The following OSBPL5 variants were observed in gnomAD, a reference collection of about 807,000 sequenced individuals.
OSBPL5 encodes oxysterol-binding protein-related protein 5.
Under a neutral mutation model 111.2 loss-of-function variants are expected in OSBPL5, and 71 were observed. The observed-to-expected ratio is 0.64, with a 90% CI of 0.53 to 0.78. The LOEUF (loss-of-function observed/expected upper bound fraction) is 0.78, where lower values mean the gene tolerates loss of function less well. OSBPL5 is among the 30% of genes least tolerant of loss of function. OSBPL5 has a pLI of 0.00. For synonymous variants in OSBPL5, 549 were observed against 513.9 expected, an observed-to-expected ratio of 1.07 and a Z score of -0.93; for missense variants, 1,210 against 1,189.3, an observed-to-expected ratio of 1.02 and a Z score of -0.26.
Position 3,109,415 on chromosome 11 carries a change from C to A in OSBPL5, c.692-1470G>T, listed in dbSNP as rs937993116. 6.6e-6 allele frequency among the ~76,000 whole-genome samples: 1 copy of A among 152,116 alleles called. No individual in the cohort carries two copies. Among genetic ancestry groups the A allele is most frequent in the Non-Finnish European group, 1.5e-5 (1 of 68,012 alleles). ...ATTCAAAGAAAGCCTCCTGGGGTCA[C>A]GTCAGGTGGGAGGATGGGGCTGAAG... On this transcript the variant is annotated intron_variant, in intron 7 of 21. Coordinates refer to ENST00000263650, the MANE Select transcript of OSBPL5 (RefSeq NM_020896.4). The surrounding 1 kb of genome is among the most constrained non-coding windows in gnomAD (Gnocchi z 7.4).
At chr11:3,158,528 C>G (rs566623241) in intron 1 of OSBPL5, among the ~76,000 whole-genome samples, 1 of 152,240 alleles carries the variant, frequency 6.6e-6, no homozygotes, top group Non-Finnish European at 1.5e-5. Context: ...CAGCATCAGG[C>G]CAGTCCACCG....
rs186169424 is a variant in OSBPL5 at position 3,158,012 on chromosome 11, G to A, written c.-22+7204C>T. ...GAGCCTTCGTGGGAGCCTGGCTGCC[G>A]GGCTGGGGAGAATGACCCACTCTGG... On this transcript the variant is annotated intron_variant, in intron 1 of 21. Transcript: ENST00000263650. 1.7e-3 allele frequency among the ~76,000 whole-genome samples: 258 copies of A among 152,310 alleles called. 1 individual carries two copies. Among genetic ancestry groups the A allele is most frequent in the African/African-American group, 6.0e-3 (248 of 41,578 alleles).
At chr11:3,093,412 C>G in intron 17 of OSBPL5, 115 bp downstream of exon 17, 1 of 1,470,234 alleles carries the variant, frequency 6.8e-7, no homozygotes, top group Non-Finnish European at 9.1e-7. Context: ...CAGGCCTGCC[C>G]TCCCTGCCAG....
chr11:3,145,703 G>C (rs913438021), intron 1 of OSBPL5, among the ~76,000 whole-genome samples: 2 of 152,208 alleles, frequency 1.3e-5, no homozygotes, highest in South Asian at 2.1e-4. Flanking sequence ...CAGGGCCAGC[G>C]AGGCATTTAC....
chr11:3,095,310 C>CA (rs60973769), intron 14 of OSBPL5, among the ~76,000 whole-genome samples: 1,479 of 105,434 alleles, frequency 0.014, 12 homozygotes, highest in South Asian at 0.031. Flanking sequence ...GACTCTGTCT[C>CA]AAAAAAAAAA....
chr11:3,138,057 C>G (rs1329269133), intron 1 of OSBPL5, among the ~76,000 whole-genome samples: 3 of 152,208 alleles, frequency 2.0e-5, no homozygotes, highest in Non-Finnish European at 2.9e-5. Flanking sequence ...GACGCAGCAT[C>G]GAGCCATGCC....
At position 3,151,617 on chromosome 11, in the gene OSBPL5, T is replaced by C. The variant is rs957839374; in HGVS notation, c.-22+13599A>G. Among the ~76,000 whole-genome samples the C allele has an allele frequency of 6.6e-5, 10 of 152,116 alleles. 1 individual carries two copies. The highest frequency in any genetic ancestry group is 4.6e-4 in the Admixed American group (7 of 15,292). On this transcript the variant is annotated intron_variant, in intron 1 of 21. Coordinates refer to ENST00000263650, the MANE Select transcript of OSBPL5 (RefSeq NM_020896.4). ...AGATGAAGCCTCATGTACCTTTATTTCCCCCACGGCACAAAAAAACGGTTC... is the reference window on the plus strand; with the variant it reads ...AGATGAAGCCTCATGTACCTTTATTCCCCCCACGGCACAAAAAAACGGTTC...
At chr11:3,147,483 C>G (rs1198619313) in intron 1 of OSBPL5, among the ~76,000 whole-genome samples, 1 of 152,266 alleles carries the variant, frequency 6.6e-6, no homozygotes, top group Admixed American at 6.5e-5. Context: ...GCCCAGTCAG[C>G]CCTGCTATGG....
Position 3,089,941 on chromosome 11 carries a change from C to A in OSBPL5, c.2406G>T (p.Glu802Asp). ...CCTTCCTGCACCGAGGGCATGGGCTCTCACCGCCTGGGACGGCCCCGAGTG... is the reference window on the plus strand; with the variant it reads ...CCTTCCTGCACCGAGGGCATGGGCTATCACCGCCTGGGACGGCCCCGAGTG... ...EQDGDFVPGG[E>D]SPCPRCRKEA... The change falls in exon 21 of 22, where the codon GAG becomes GAT. Residue 802 changes from glutamate to aspartate, a missense_variant. Glu to Asp is a conservative substitution (Grantham distance 45). Coordinates refer to ENST00000263650, the MANE Select transcript of OSBPL5 (RefSeq NM_020896.4). 1 of 1,550,454 alleles carries A rather than the reference C, an allele frequency of 6.4e-7. No homozygotes were observed. The highest frequency in any genetic ancestry group is 8.7e-7 in the Non-Finnish European group (1 of 1,146,064).
intron 19 of OSBPL5, among the ~76,000 whole-genome samples, chr11:3,091,299 C>G (rs1554893225): frequency 6.6e-6 from 1 of 152,218 alleles, no homozygotes; most frequent in Non-Finnish European, 1.5e-5. Context: ...TGTGGGACCA[C>G]CATGTAACAA....
rs1857461647 is a variant in OSBPL5, at chr11:3,101,691, G to A, written c.1434C>T (p.His478=). The stretch of plus-strand genomic sequence containing the variant: ...CGTGGAAGGCAGACACGGGCGGGTG[G>A]TGGGACACCTGCGTGCAGGGAGGCG... ...RTFYIAEQVS[H]HPPVSAFHVS... is the part of the protein sequence containing the mutation. Residue 478 remains histidine, a synonymous_variant, in exon 13 of 22, where the codon CAC becomes CAT. Coordinates refer to ENST00000263650, the MANE Select transcript of OSBPL5 (RefSeq NM_020896.4). 2 of 1,613,520 alleles carry A rather than the reference G, an allele frequency of 1.2e-6. No individual in the cohort carries two copies. Among genetic ancestry groups the A allele is most frequent in the Non-Finnish European group, 1.7e-6 (2 of 1,179,832 alleles).
Position 3,101,683 on chromosome 11 carries a change from G to A in OSBPL5, c.1442C>T (p.Pro481Leu). 6.2e-7 allele frequency: 1 copy of A among 1,613,742 alleles called. No individual in the cohort carries two copies. Among genetic ancestry groups the A allele is most frequent in the Non-Finnish European group, 8.5e-7 (1 of 1,179,970 alleles). The change falls in exon 13 of 22, where the codon CCC (proline) becomes CTC (leucine). Residue 481 changes from proline to leucine, a missense_variant. Coordinates refer to ENST00000263650, the MANE Select transcript of OSBPL5 (RefSeq NM_020896.4). ...GTTGCTGACGTGGAAGGCAGACACG[G>A]GCGGGTGGTGGGACACCTGCGTGCA... is the stretch of plus-strand genomic sequence containing the variant. ...YIAEQVSHHP[P>L]VSAFHVSNRK...
Position 3,096,345 on chromosome 11 carries a change from G to A in OSBPL5, c.1622-2011C>T, listed in dbSNP as rs113350417. Among the ~76,000 whole-genome samples the A allele has an allele frequency of 7.2e-3, 1,103 of 152,284 alleles. 17 individuals are homozygous for A. The highest frequency in any genetic ancestry group is 0.025 in the African/African-American group (1,050 of 41,560). ...TTAAGAAGGGAAATCCCGGCCTGGC[G>A]TGGGGGCTCACGCCTGTAATCCCAG... On this transcript the variant is annotated intron_variant, in intron 14 of 21. Coordinates refer to ENST00000263650, the MANE Select transcript of OSBPL5 (RefSeq NM_020896.4).
At chr11:3,119,767 C>T in intron 6 of OSBPL5, 136 bp from the exon 7 acceptor site, 1 of 743,120 alleles carries the variant, frequency 1.3e-6, no homozygotes, top group Non-Finnish European at 2.1e-6. Flanking sequence ...CCAGGTGGGG[C>T]CAGGCACCTG....
In OSBPL5 at chr11:3,107,592, CG is replaced by C; in HGVS notation, c.867-138del. ...TCACCTCCACAACCCACATTTGACACGATCAGCCCCGTTTTAGAGGAAGGAA... is the reference window on the plus strand; with the variant it reads ...TCACCTCCACAACCCACATTTGACACATCAGCCCCGTTTTAGAGGAAGGAA... On this transcript the variant is annotated intron_variant, in intron 8 of 21. Transcript: ENST00000263650. The surrounding 1 kb of genome is among the most constrained non-coding windows in gnomAD (Gnocchi z 6.1). 7.4e-7 allele frequency: 1 copy of C among 1,350,876 alleles called. No homozygotes were observed. 83.7% of individuals were successfully genotyped at this position (1,350,876 alleles called of 1,614,324 possible).
At chr11:3,119,400 G>T in intron 7 of OSBPL5, 147 bp downstream of exon 7, 1 of 725,212 alleles carries the variant, frequency 1.4e-6, no homozygotes, top group Non-Finnish European at 2.1e-6. Flanking sequence ...CTGACTCCGA[G>T]CCGGGCTCAT....
intron 3 of OSBPL5, among the ~76,000 whole-genome samples, chr11:3,125,813 A>T (rs1250003682): frequency 3.6e-5 from 5 of 140,138 alleles, no homozygotes; most frequent in Non-Finnish European, 1.5e-5. Flanking sequence ...TCAAAAAAAA[A>T]AAAAAAAAAA....
At chr11:3,097,437 G>A (rs1015421248) in intron 14 of OSBPL5, among the ~76,000 whole-genome samples, 9 of 152,176 alleles carry the variant, frequency 5.9e-5, no homozygotes, top group Non-Finnish European at 1.2e-4. Context: ...TGTAGGGTAA[G>A]TTTGGGATTC....
At chr11:3,145,812 G>C (rs1564860077) in intron 1 of OSBPL5, among the ~76,000 whole-genome samples, 2 of 152,226 alleles carry the variant, frequency 1.3e-5, no homozygotes, top group Non-Finnish European at 2.9e-5. Context: ...GTCGCCCTCA[G>C]TGGTTGGCAA....
Sources: allele counts gnomAD v4.1 joint callset (sites outside exome capture counted in the v4.1 genomes callset), GRCh38; gene constraint gnomAD v4.1.1; non-coding constraint Gnocchi (gnomAD v3.1); transcripts MANE v1.5; gene names NCBI Gene and HGNC (gene_info 2026-07-23, HGNC 2026-07-21).